MSN: variants seen among roughly 807,000 people sequenced by gnomAD.
MSN encodes moesin.
Under a neutral mutation model 48.0 loss-of-function variants are expected in MSN, and 2 were observed. The ratio of observed to expected loss-of-function variants is 0.04; its 90% CI spans 0.02 to 0.13. The LOEUF (loss-of-function observed/expected upper bound fraction) is 0.13. Among genes scored for constraint, MSN ranks in the 10% least tolerant of loss-of-function variants. The pLI is 1.00. For missense variants in MSN, 267 were observed against 470.1 expected, an observed-to-expected ratio of 0.57 and a Z score of 3.99; for synonymous variants, 146 against 166.9, an observed-to-expected ratio of 0.87 and a Z score of 0.97.
chrX:65,597,355 T>C (rs923495648), intron 1 of MSN, among the ~76,000 whole-genome samples: 1 of 108,952 alleles, frequency 9.2e-6, no homozygotes, highest in Non-Finnish European at 1.9e-5. Flanking sequence ...AGCCTTGTTT[T>C]ATTATTTTTG....
chrX:65,714,379 T>C (rs145882586), intron 1 of MSN, among the ~76,000 whole-genome samples: 11 of 112,157 alleles, frequency 9.8e-5, no homozygotes, highest in African/African-American at 3.6e-4. Context: ...TTCAGGTCTT[T>C]GAGAAATTGC....
chrX:65,680,474 C>T (rs762686784), intron 1 of MSN, among the ~76,000 whole-genome samples: 2 of 111,915 alleles, frequency 1.8e-5, no homozygotes, highest in Admixed American at 9.5e-5. Flanking sequence ...AACCATTCTC[C>T]TTTGGGGGAG....
chrX:65,615,133 T>C (rs2070357428), intron 1 of MSN, among the ~76,000 whole-genome samples: 1 of 109,910 alleles, frequency 9.1e-6, no homozygotes, highest in African/African-American at 3.3e-5. Flanking sequence ...GTTCCAAGTC[T>C]TTGCTATTGT....
intron 1 of MSN, among the ~76,000 whole-genome samples, chrX:65,657,458 G>T (rs1602757754): frequency 9.3e-6 from 1 of 107,868 alleles, no homozygotes; most frequent in African/African-American, 3.6e-5. Context: ...GGGCAGGGCT[G>T]GGGGGGCTGA....
chrX:65,614,199 C>A (rs1013778722), intron 1 of MSN, among the ~76,000 whole-genome samples: 11 of 111,211 alleles, frequency 9.9e-5, no homozygotes, highest in Non-Finnish European at 1.7e-4. Flanking sequence ...AGTTTTATTT[C>A]TGAGACCTCT....
chrX:65,605,135 C>T (rs1011086794), intron 1 of MSN, among the ~76,000 whole-genome samples: 4 of 112,093 alleles, frequency 3.6e-5, no homozygotes, highest in African/African-American at 1.3e-4. Flanking sequence ...TTGACCTTTC[C>T]GTTTGGTAAA....
chrX:65,680,113 C>G (rs756711375), intron 1 of MSN, among the ~76,000 whole-genome samples: 9 of 111,769 alleles, frequency 8.1e-5, no homozygotes, highest in African/African-American at 2.6e-4. Flanking sequence ...GGTAGGCAAG[C>G]AGGTGGAGGA....
chrX:65,626,145 G>C (rs994307140), intron 1 of MSN, among the ~76,000 whole-genome samples: 2 of 109,656 alleles, frequency 1.8e-5, no homozygotes, highest in East Asian at 5.7e-4. Context: ...TAGTAGAGAC[G>C]GGGTTTCACC....
At chrX:65,646,045 G>C (rs1051417411) in intron 1 of MSN, among the ~76,000 whole-genome samples, 2 of 111,739 alleles carry the variant, frequency 1.8e-5, no homozygotes, top group African/African-American at 6.5e-5. Flanking sequence ...TCCAAAATTT[G>C]GAAAAATCAT....
intron 1 of MSN, among the ~76,000 whole-genome samples, chrX:65,592,708 G>C (rs1361784586): frequency 9.0e-6 from 1 of 110,784 alleles, no homozygotes; most frequent in Non-Finnish European, 1.9e-5. Context: ...TGGGATTTTT[G>C]GCAACAATCG....
At chrX:65,673,271 A>G (rs1184880610) in intron 1 of MSN, among the ~76,000 whole-genome samples, 1 of 111,592 alleles carries the variant, frequency 9.0e-6, no homozygotes, top group Non-Finnish European at 1.9e-5. Context: ...ATAGTAGAAT[A>G]GTCCTTTTTA....
At chrX:65,695,523 A>G (rs1184986972) in intron 1 of MSN, among the ~76,000 whole-genome samples, 2 of 107,141 alleles carry the variant, frequency 1.9e-5, no homozygotes, top group East Asian at 5.8e-4. Context: ...AAAAAAAAAA[A>G]AAAAAAAAAA....
At chrX:65,609,174 G>T (rs2070300883) in intron 1 of MSN, among the ~76,000 whole-genome samples, 1 of 106,726 alleles carries the variant, frequency 9.4e-6, no homozygotes, top group Non-Finnish European at 1.9e-5. Context: ...GAAGGGAAGA[G>T]ATTGTTGGAA....
chrX:65,592,192 C>CTTTTTTTTTTT (rs1176549178), intron 1 of MSN, among the ~76,000 whole-genome samples: 2 of 76,921 alleles, frequency 2.6e-5, no homozygotes, highest in Non-Finnish European at 4.8e-5. Flanking sequence ...CTCTTCATCC[C>CTTTTTTTTTTT]TTTTTTTTTT....
intron 2 of MSN, among the ~76,000 whole-genome samples, chrX:65,725,377 CTCTTCAGCA>C (rs1054686483): frequency 1.8e-5 from 2 of 111,561 alleles, no homozygotes; most frequent in African/African-American, 6.5e-5. Context: ...CCATCTTCTT[CTCTTCAGCA>C]TCTTCAGTGG....
chrX:65,729,383 C>T (rs1395682098), intron 3 of MSN, 55 bp from the exon 4 acceptor site: 1 of 1,156,636 alleles, frequency 8.6e-7, no homozygotes, highest in Non-Finnish European at 1.2e-6. Flanking sequence ...CCTACAGCCA[C>T]TCCATTACCC....
At chrX:65,616,969 T>C (rs1602721748) in intron 1 of MSN, among the ~76,000 whole-genome samples, 1 of 110,377 alleles carries the variant, frequency 9.1e-6, no homozygotes, top group African/African-American at 3.4e-5. Flanking sequence ...GATAATCATG[T>C]GGTTTTTGTC....
At chrX:65,733,880 C>T (rs1379107041) in intron 7 of MSN, among the ~76,000 whole-genome samples, 1 of 111,604 alleles carries the variant, frequency 9.0e-6, no homozygotes, top group African/African-American at 3.3e-5. Context: ...TCTTGAACTC[C>T]TGACCTCAGG....
At chrX:65,644,407 A>G (rs2070680102) in intron 1 of MSN, among the ~76,000 whole-genome samples, 1 of 111,649 alleles carries the variant, frequency 9.0e-6, no homozygotes, top group African/African-American at 3.3e-5. Flanking sequence ...TCAAGATCAT[A>G]CAGTTTATTA....
Sources: gnomAD v4.1 joint callset for allele counts (sites outside exome capture counted in the v4.1 genomes callset) on GRCh38, gnomAD v4.1.1 for gene constraint, MANE v1.5 for transcripts, NCBI Gene and HGNC (gene_info 2026-07-23, HGNC 2026-07-21) for gene names.